Variants in YEATS2 observed in about 807,000 individuals in gnomAD.
YEATS2 encodes the protein YEATS domain-containing protein 2.
A neutral mutation model predicts 163.2 loss-of-function variants in YEATS2; 77 were observed. The observed-to-expected ratio is 0.47, with a 90% CI of 0.39 to 0.57. The LOEUF (loss-of-function observed/expected upper bound fraction) is 0.57. Among genes scored for constraint, YEATS2 ranks in the 20% least tolerant of loss-of-function variants. The probability of loss-of-function intolerance (pLI) is 0.00; values close to 1 mark genes in which losing one functional copy is unlikely to be tolerated. For synonymous variants in YEATS2, 631 were observed against 645.1 expected, an observed-to-expected ratio of 0.98 and a Z score of 0.33; for missense variants, 1,549 against 1,729.8, an observed-to-expected ratio of 0.90 and a Z score of 1.85.
chr3:183,789,793 C>T (rs1468772070), intron 20 of YEATS2, among the ~76,000 whole-genome samples: 4 of 151,890 alleles, frequency 2.6e-5, no homozygotes, highest in Non-Finnish European at 4.4e-5. Context: ...CCCGCTTTGG[C>T]CTCCCAAAGT....
chr3:183,772,989 A>AAATAACAATGT (rs1722636599), intron 16 of YEATS2, among the ~76,000 whole-genome samples: 1 of 152,192 alleles, frequency 6.6e-6, no homozygotes, highest in African/African-American at 2.4e-5. Flanking sequence ...ATAACAATGT[A>AAATAACAATGT]AATAACAATG....
At chr3:183,698,451 G>A (rs565696709) in intron 1 of YEATS2, among the ~76,000 whole-genome samples, 1 of 152,270 alleles carries the variant, frequency 6.6e-6, no homozygotes, top group Non-Finnish European at 1.5e-5. Context: ...GGGGTCCAGG[G>A]ATGGGGCCGG....
At chr3:183,762,036 GCAGCTTTAT>G in intron 14 of YEATS2, 52 bp from the exon 15 acceptor site, 1 of 1,606,080 alleles carries the variant, frequency 6.2e-7, no homozygotes, top group Non-Finnish European at 8.5e-7. Flanking sequence ...TCAGATATTA[GCAGCTTTAT>G]AAAATGGGAT....
rs1163130247 is a variant in YEATS2, at chr3:183,721,999, T to A, written c.400T>A (p.Ser134Thr). ...SPANQRAETP[S>T]ANHSESDSLS... The stretch of plus-strand genomic sequence containing the variant: ...TGCCAATCAGAGAGCAGAAACACCA[T>A]CAGCCAATCATTCAGAAAGTGATTC... Residue 134 changes from serine (S) to threonine (T), a missense_variant, in exon 5 of 31, where the codon TCA becomes ACA. Physicochemically the swap from Ser to Thr is moderately conservative, Grantham distance 58. Transcript: ENST00000305135. 1.2e-6 allele frequency: 2 copies of A among 1,614,150 alleles called. No individual in the cohort carries two copies. Among genetic ancestry groups the A allele is most frequent in the Non-Finnish European group, 1.7e-6 (2 of 1,180,036 alleles).
rs1330612572 is a variant in YEATS2, at chr3:183,793,614, T to TC, written c.3097+2634_3097+2635insC. 256 of 239,798 alleles carry TC rather than the reference T, an allele frequency of 1.1e-3. 1 individual carries two copies. Among genetic ancestry groups the TC allele is most frequent in the South Asian group, 3.3e-3 (21 of 6,434 alleles). 14.9% of individuals were successfully genotyped at this position (239,798 alleles called of 1,614,324 possible). A position where few individuals can be genotyped will look rare whatever the true frequency, so the allele number is the denominator to read the frequency against. On this transcript the variant is annotated intron_variant, in intron 21 of 30. Transcript: ENST00000305135. ...GTATCACATTTTCTTTCTTTCTTTT[T>TC]TTTTTTTTTTTTTTTGAGATGGAAT...
At chr3:183,759,076 G>A (rs564715201) in intron 13 of YEATS2, 111 bp downstream of exon 13, 20 of 713,832 alleles carry the variant, frequency 2.8e-5, no homozygotes, top group South Asian at 4.7e-5. Flanking sequence ...AGGCTGTATC[G>A]AACTCCTGGC....
chr3:183,749,850 C>T (rs1327354527), intron 9 of YEATS2, among the ~76,000 whole-genome samples: 5 of 152,154 alleles, frequency 3.3e-5, no homozygotes, highest in African/African-American at 1.2e-4. Context: ...TGGAGTCTCG[C>T]TCTGTTGCCC....
At chr3:183,771,542 C>CTTT (rs1722462151) in intron 15 of YEATS2, among the ~76,000 whole-genome samples, 2,107 of 60,860 alleles carry the variant, frequency 0.035, 105 homozygotes, top group East Asian at 0.049. Flanking sequence ...ATTATTCTTG[C>CTTT]CTTTTTTTTT....
intron 1 of YEATS2, among the ~76,000 whole-genome samples, chr3:183,705,652 G>A (rs934649301): frequency 2.6e-5 from 4 of 152,104 alleles, no homozygotes; most frequent in East Asian, 1.9e-4. Flanking sequence ...TAAAGATGTA[G>A]CAATATCAAC....
intron 26 of YEATS2, 30 bp from the exon 27 acceptor site, chr3:183,803,957 A>G: frequency 7.5e-6 from 12 of 1,609,742 alleles, no homozygotes; most frequent in Non-Finnish European, 1.0e-5. Flanking sequence ...GGATTTGATT[A>G]TGGTTCCAAA....
chr3:183,744,914 A>G (rs911752820), intron 8 of YEATS2, among the ~76,000 whole-genome samples: 2 of 151,898 alleles, frequency 1.3e-5, no homozygotes, highest in Non-Finnish European at 2.9e-5. Flanking sequence ...GCAGTGGCGC[A>G]GTTTCGGCTC....
chr3:183,728,642 T>G lies in YEATS2; in HGVS notation c.651-48T>G, dbSNP rs768111559. ...AGTAGGACTTAATTATTTAGTTAGG[T>G]TTTTGAAGGACGAAAAGAATTCAGG... On this transcript the variant is annotated intron_variant, in intron 6 of 30. Transcript: ENST00000305135. 7.4e-6 allele frequency: 11 copies of G among 1,479,034 alleles called. No homozygotes were observed. The East Asian group carries it at 2.4e-4, about 33-fold the overall frequency. 91.6% of individuals were successfully genotyped at this position (1,479,034 alleles called of 1,614,324 possible). A position where few individuals can be genotyped will look rare whatever the true frequency, so the allele number is the denominator to read the frequency against.
chr3:183,710,038 G>T (rs567115640), intron 1 of YEATS2, among the ~76,000 whole-genome samples: 1 of 152,204 alleles, frequency 6.6e-6, no homozygotes, highest in East Asian at 1.9e-4. Context: ...TAGTCGCAGC[G>T]TTACATTTAT....
intron 20 of YEATS2, among the ~76,000 whole-genome samples, chr3:183,789,525 A>G (rs1481582562): frequency 1.5e-5 from 1 of 66,314 alleles, no homozygotes; most frequent in African/African-American, 6.9e-5. Context: ...ATTCGAGTTA[A>G]TTTTTTTTTT....
chr3:183,773,040 T>G (rs1382640270), intron 16 of YEATS2, among the ~76,000 whole-genome samples: 1 of 152,198 alleles, frequency 6.6e-6, no homozygotes, highest in Non-Finnish European at 1.5e-5. Context: ...TGTTACACTG[T>G]GTTGTTTAAG....
At chr3:183,717,860 CTTTTTTTT>C in intron 3 of YEATS2, 112 bp downstream of exon 3, 1 of 277,444 alleles carries the variant, frequency 3.6e-6, no homozygotes, top group Non-Finnish European at 6.1e-6. Flanking sequence ...CTCCTCTTTG[CTTTTTTTT>C]TTTTTTTTTT....
chr3:183,703,249 G>GT (rs1007115442), intron 1 of YEATS2, among the ~76,000 whole-genome samples: 5 of 152,132 alleles, frequency 3.3e-5, no homozygotes, highest in African/African-American at 1.2e-4. Flanking sequence ...TAAAAGATCT[G>GT]TTTTTGTTTT....
chr3:183,776,118 C>G lies in YEATS2; in HGVS notation c.2572C>G (p.Pro858Ala). The change falls in exon 18 of 31, where the codon CCC becomes GCC. Residue 858 changes from proline (P) to alanine (A), a missense_variant. Pro to Ala is a conservative substitution (Grantham distance 27). Transcript: ENST00000305135. Reference sequence around the variant, plus strand: ...CACATCTTACATCCTCAAGCAAACTCCCCAGGTCTGGTTCTCTGTAACTGA... The same window carrying G: ...CACATCTTACATCCTCAAGCAAACTGCCCAGGTCTGGTTCTCTGTAACTGA... ...TYTSYILKQT[P>A]QGTFLVGQPS... is the part of the protein sequence containing the mutation. 2 of 1,567,812 alleles carry G rather than the reference C, an allele frequency of 1.3e-6. No individual in the cohort carries two copies. Among genetic ancestry groups the G allele is most frequent in the Non-Finnish European group, 1.7e-6 (2 of 1,158,178 alleles).
At chr3:183,698,051 C>G (rs1258946959) in intron 1 of YEATS2, 58 bp downstream of exon 1, 1 of 152,086 alleles carries the variant, frequency 6.6e-6, no homozygotes, top group African/African-American at 2.4e-5. Context: ...CTCTCCGGGG[C>G]ATTGTTTGGG....
Sources: gnomAD v4.1 joint callset for allele counts (sites outside exome capture counted in the v4.1 genomes callset) on GRCh38, gnomAD v4.1.1 for gene constraint, MANE v1.5 for transcripts, NCBI Gene and HGNC (gene_info 2026-07-23, HGNC 2026-07-21) for gene names.